The following RBFOX1 variants were observed in gnomAD, a reference collection of about 807,000 sequenced individuals.
RBFOX1 encodes RNA binding protein fox-1 homolog 1.
In RBFOX1, 8 loss-of-function variants were observed where a neutral mutation model predicts 57.7. The ratio of observed to expected loss-of-function variants is 0.14; its 90% CI spans 0.08 to 0.25. The LOEUF is 0.25. Ranked by LOEUF, RBFOX1 falls within the 10% of genes least tolerant of loss-of-function variation. RBFOX1 has a pLI of 1.00. For synonymous variants in RBFOX1, 326 were observed against 222.4 expected (o/e 1.47, Z -4.15); for missense variants, 611 against 548.5 (o/e 1.11, Z -1.14).
At chr16:6,961,562 G>A (rs961471145) in intron 3 of RBFOX1, among the ~76,000 whole-genome samples, 4 of 152,152 alleles carry the variant, frequency 2.6e-5, no homozygotes, top group Admixed American at 6.5e-5. Flanking sequence ...AGAAACAAAC[G>A]AATGGCTACT....
At chr16:6,555,838 A>G (rs562890128) in intron 2 of RBFOX1, among the ~76,000 whole-genome samples, 1 of 152,216 alleles carries the variant, frequency 6.6e-6, no homozygotes, top group Admixed American at 6.5e-5. Context: ...TTTTCTTACT[A>G]TGAAATGCAC....
chr16:6,729,517 C>A (rs1323326828), intron 3 of RBFOX1, among the ~76,000 whole-genome samples: 2 of 152,090 alleles, frequency 1.3e-5, no homozygotes. Context: ...GACATAGAAA[C>A]AAAGAAGATG....
At chr16:6,995,714 TCATGC>T (rs141835698) in intron 3 of RBFOX1, among the ~76,000 whole-genome samples, 3,359 of 152,044 alleles carry the variant, frequency 0.022, 121 homozygotes, top group African/African-American at 0.077. Flanking sequence ...TGAGCCAAGA[TCATGC>T]CACCGCACTG....
intron 2 of RBFOX1, among the ~76,000 whole-genome samples, chr16:6,636,543 C>T (rs1028274395): frequency 6.6e-6 from 1 of 151,774 alleles, no homozygotes; most frequent in Non-Finnish European, 1.5e-5. Context: ...CCTCTAATTA[C>T]TGTAGCACAT....
intron 4 of RBFOX1, among the ~76,000 whole-genome samples, chr16:7,231,058 A>G (rs924745241): frequency 2.0e-5 from 3 of 152,126 alleles, no homozygotes; most frequent in Admixed American, 2.0e-4. Context: ...CTTTCCATTA[A>G]GTGGAGAGTA....
At chr16:7,494,350 C>T (rs887530749) in intron 4 of RBFOX1, among the ~76,000 whole-genome samples, 7 of 152,088 alleles carry the variant, frequency 4.6e-5, no homozygotes, top group Admixed American at 1.3e-4. Flanking sequence ...CTACCATTGG[C>T]GGCTAGTGTG....
chr16:5,887,940 G>A (rs1263429002), intron 4 of RBFOX1, among the ~76,000 whole-genome samples: 1 of 152,162 alleles, frequency 6.6e-6, no homozygotes, highest in African/African-American at 2.4e-5. Context: ...AACAGGGCAA[G>A]GACCACACAC....
intron 2 of RBFOX1, among the ~76,000 whole-genome samples, chr16:6,626,496 A>G (rs1392235253): frequency 1.3e-5 from 2 of 152,224 alleles, no homozygotes; most frequent in East Asian, 1.9e-4. Flanking sequence ...ATGGTGGCTT[A>G]TGCCTGTAAT....
chr16:5,243,062 A>G (rs1431579979), intron 1 of RBFOX1, among the ~76,000 whole-genome samples: 1 of 151,818 alleles, frequency 6.6e-6, no homozygotes, highest in Non-Finnish European at 1.5e-5. Flanking sequence ...TTGTGTATCC[A>G]CAAACACCCA....
chr16:7,525,682 G>A (rs920694062), intron 5 of RBFOX1, among the ~76,000 whole-genome samples: 11 of 152,182 alleles, frequency 7.2e-5, no homozygotes, highest in African/African-American at 2.4e-4. Context: ...ATTGTTGGGT[G>A]TCCTGGAGAA....
intron 1 of RBFOX1, among the ~76,000 whole-genome samples, chr16:5,250,267 T>C (rs1292258178): frequency 1.3e-5 from 2 of 152,112 alleles, no homozygotes; most frequent in Non-Finnish European, 2.9e-5. Flanking sequence ...TTTTCTTTTC[T>C]TTTTATTTTT....
At chr16:6,321,121 T>C (rs1264962263) in intron 2 of RBFOX1, among the ~76,000 whole-genome samples, 1 of 152,228 alleles carries the variant, frequency 6.6e-6, no homozygotes, top group Non-Finnish European at 1.5e-5. Context: ...TTAGTTTTAA[T>C]TGACAAACAA....
chr16:6,313,926 C>T (rs1299764927), intron 1 of RBFOX1, among the ~76,000 whole-genome samples: 2 of 152,122 alleles, frequency 1.3e-5, no homozygotes, highest in Admixed American at 1.3e-4. Context: ...TCTGTTCTCG[C>T]TTTATAACAA....
chr16:5,898,088 AG>A (rs1317947359), intron 4 of RBFOX1, among the ~76,000 whole-genome samples: 2 of 152,130 alleles, frequency 1.3e-5, no homozygotes, highest in African/African-American at 2.4e-5. Context: ...TCATGGTGGA[AG>A]GGGCAGCAAA....
chr16:6,412,915 G>A (rs1169170583), intron 2 of RBFOX1, among the ~76,000 whole-genome samples: 1 of 152,074 alleles, frequency 6.6e-6, no homozygotes, highest in African/African-American at 2.4e-5. Flanking sequence ...TATCAGAAAC[G>A]GAACTTTCAA....
In RBFOX1 at chr16:7,409,892, G is replaced by A. The variant is rs756225860; in HGVS notation, c.28-108255G>A. 3.9e-5 allele frequency among the ~76,000 whole-genome samples: 6 copies of A among 152,140 alleles called. No homozygotes were observed. In the South Asian group the frequency reaches 6.2e-4, roughly 16 times the overall value. On this transcript the variant is annotated intron_variant, in intron 4 of 15. Transcript: ENST00000550418. ...TTGAAGTGTGGAAAAATGGAGTTCCGGCAATGTCTTAAATGAGGGGAGGGG... is the reference window on the plus strand; with the variant it reads ...TTGAAGTGTGGAAAAATGGAGTTCCAGCAATGTCTTAAATGAGGGGAGGGG...
At chr16:7,612,320 CAAAAAAAAAAAA>C (rs60248765) in intron 10 of RBFOX1, among the ~76,000 whole-genome samples, 1 of 71,478 alleles carries the variant, frequency 1.4e-5, no homozygotes, top group African/African-American at 6.5e-5. Flanking sequence ...GACTCCATCT[CAAAAAAAAAAAA>C]AAAAAAAAAA....
chr16:7,231,130 A>G (rs548749353), intron 4 of RBFOX1, among the ~76,000 whole-genome samples: 3 of 152,314 alleles, frequency 2.0e-5, no homozygotes, highest in Admixed American at 1.3e-4. Context: ...TGGATCAGAT[A>G]GGTTTTGTCT....
At chr16:6,036,820 A>C (rs1281338869) in intron 1 of RBFOX1, among the ~76,000 whole-genome samples, 1 of 152,248 alleles carries the variant, frequency 6.6e-6, no homozygotes, top group Non-Finnish European at 1.5e-5. Context: ...CAGAAGGCTC[A>C]TAGCTTTTTA....
Sources: gnomAD v4.1 joint callset for allele counts (sites outside exome capture counted in the v4.1 genomes callset) on GRCh38, gnomAD v4.1.1 for gene constraint, MANE v1.5 for transcripts, NCBI Gene and HGNC (gene_info 2026-07-23, HGNC 2026-07-21) for gene names.